The following TRMT9B variants were observed in gnomAD, a reference collection of about 807,000 sequenced individuals.
TRMT9B encodes the protein tRNA methyltransferase 9B (putative).
Under a neutral mutation model 11.5 loss-of-function variants are expected in TRMT9B, and 16 were observed. The observed-to-expected ratio is 1.39, with a 90% confidence interval of 0.94 to 2.11. TRMT9B has a LOEUF of 2.11. Ranked by LOEUF, TRMT9B falls within the 30% of genes most tolerant of loss-of-function variation. TRMT9B has a pLI of 0.00. For synonymous variants in TRMT9B, 274 were observed against 192.4 expected, an observed-to-expected ratio of 1.42 and a Z score of -3.51; for missense variants, 941 against 553.8, an observed-to-expected ratio of 1.70 and a Z score of -7.02.
intron 3 of TRMT9B, chr8:13,011,170 A>T: frequency 5.2e-6 from 2 of 385,964 alleles, no homozygotes; most frequent in Non-Finnish European, 7.1e-6. Context: ...TATTTTTAGT[A>T]GAGAGGGGTT....
In TRMT9B at chr8:13,004,052, G is replaced by A. The variant is rs1006809564; in HGVS notation, c.-1-2150G>A. ...TCGAACTCAGTGCTGCCCTGTCACA[G>A]TAGAAAGCAAAGCCATGTGGCTGAA... On this transcript the variant is annotated intron_variant, in intron 2 of 4. Transcript: ENST00000524591. Among the ~76,000 whole-genome samples, 32 of 152,038 alleles carry A rather than the reference G, an allele frequency of 2.1e-4. 1 individual carries two copies. Among genetic ancestry groups the A allele is most frequent in the African/African-American group, 5.5e-4 (23 of 41,500 alleles).
At chr8:12,971,057 A>C (rs1183727225) in intron 1 of TRMT9B, among the ~76,000 whole-genome samples, 1 of 152,220 alleles carries the variant, frequency 6.6e-6, no homozygotes, top group African/African-American at 2.4e-5. Context: ...CATGTATACA[A>C]TATGTGATGA....
intron 1 of TRMT9B, among the ~76,000 whole-genome samples, chr8:12,974,410 C>T (rs1373573765): frequency 2.6e-5 from 4 of 152,138 alleles, no homozygotes; most frequent in Admixed American, 6.6e-5. Flanking sequence ...GAATCAATTT[C>T]AGAAGTGAGA....
At chr8:12,977,064 C>T (rs2466255) in intron 1 of TRMT9B, among the ~76,000 whole-genome samples, 10,406 of 152,192 alleles carry the variant, frequency 0.068, 412 homozygotes, top group Non-Finnish European at 0.083. Context: ...CAAATAGAAG[C>T]ATGGTGGGCA....
At chr8:13,017,653 A>C (rs1026022495) in intron 4 of TRMT9B, among the ~76,000 whole-genome samples, 21 of 124,484 alleles carry the variant, frequency 1.7e-4, no homozygotes, top group African/African-American at 5.6e-4. Context: ...TTACTCTGTC[A>C]CCCAGGTTGG....
At chr8:12,995,792 C>G (rs983935996) in intron 2 of TRMT9B, among the ~76,000 whole-genome samples, 2 of 152,088 alleles carry the variant, frequency 1.3e-5, no homozygotes, top group East Asian at 1.9e-4. Context: ...GGTTCTAAGG[C>G]TTTTAAATAT....
intron 1 of TRMT9B, among the ~76,000 whole-genome samples, chr8:12,982,055 G>C (rs1458306511): frequency 6.6e-6 from 1 of 152,092 alleles, no homozygotes; most frequent in Non-Finnish European, 1.5e-5. Flanking sequence ...GTAAATAGTA[G>C]GCTTTACAAT....
At chr8:12,963,733 A>T (rs1802447778) in intron 1 of TRMT9B, among the ~76,000 whole-genome samples, 1 of 152,238 alleles carries the variant, frequency 6.6e-6, no homozygotes, top group Non-Finnish European at 1.5e-5. Flanking sequence ...TGCGCAGCAG[A>T]AGAAGACCCT....
At chr8:12,969,595 A>G (rs1803300188) in intron 1 of TRMT9B, among the ~76,000 whole-genome samples, 2 of 152,156 alleles carry the variant, frequency 1.3e-5, no homozygotes, top group South Asian at 2.1e-4. Context: ...GTAATAATGT[A>G]TCTCTTATTT....
rs1292693601 is a variant in TRMT9B, at chr8:13,023,819, CTT to C, written c.*1776_*1777del. 1.8e-5 allele frequency: 3 copies of C among 166,404 alleles called. No homozygotes were observed. The highest frequency in any genetic ancestry group is 4.4e-5 in the Non-Finnish European group (3 of 68,074). The allele number at this position is 166,404 out of a possible 1,614,324, so 10.3% of individuals were successfully genotyped here. ...AATAATGATGTTACTTTTGAACAAACTTAAAGAAATATTTTTAAAGCGTATCT... is the reference window on the plus strand; with the variant it reads ...AATAATGATGTTACTTTTGAACAAACAAAGAAATATTTTTAAAGCGTATCT... On this transcript the variant is annotated 3_prime_UTR_variant, in exon 5 of 5. Transcript: ENST00000524591.
rs1814083582 is a variant in TRMT9B at position 13,022,251 on chromosome 8, G to A, written c.*207G>A. 7 of 489,530 alleles carry A rather than the reference G, an allele frequency of 1.4e-5. No individual in the cohort carries two copies. Among genetic ancestry groups the A allele is most frequent in the Non-Finnish European group, 2.6e-5 (7 of 272,318 alleles). The allele number at this position is 489,530 out of a possible 1,614,324, so 30.3% of individuals were successfully genotyped here. A position where few individuals can be genotyped will look rare whatever the true frequency, so the allele number is the denominator to read the frequency against. ...AAAGCACTTGACAAAGGGTATTTGT[G>A]CTTAAATGTTAATATACAAGATCTG... On this transcript the variant is annotated 3_prime_UTR_variant, in exon 5 of 5. Transcript: ENST00000524591.
Position 12,959,519 on chromosome 8 carries a change from T to C in TRMT9B, c.-200+13553T>C, listed in dbSNP as rs1483291357. Reference sequence around the variant, plus strand: ...CCTCTCCTTTCCTTTTTCCTTCCTTTTTTTTTTTTTTTTTTTTTTTGACAG... The same window carrying C: ...CCTCTCCTTTCCTTTTTCCTTCCTTCTTTTTTTTTTTTTTTTTTTTGACAG... On this transcript the variant is annotated intron_variant, in intron 1 of 4. Transcript: ENST00000524591. Among the ~76,000 whole-genome samples, 506 of 112,656 alleles carry C rather than the reference T, an allele frequency of 4.5e-3. 7 individuals carry two copies. Among genetic ancestry groups the C allele is most frequent in the African/African-American group, 0.017 (456 of 26,966 alleles). The allele number at this position is 112,656 out of a possible 152,430, so 73.9% of individuals were successfully genotyped here.
At chr8:12,961,344 A>G (rs914745798) in intron 1 of TRMT9B, among the ~76,000 whole-genome samples, 3 of 152,180 alleles carry the variant, frequency 2.0e-5, no homozygotes, top group African/African-American at 7.2e-5. Context: ...TTTAATTTAA[A>G]AAAATCATAT....
chr8:12,989,890 C>T (rs564918736), intron 1 of TRMT9B, among the ~76,000 whole-genome samples: 11 of 152,330 alleles, frequency 7.2e-5, no homozygotes, highest in Non-Finnish European at 1.3e-4. Context: ...CATGTGCCTA[C>T]ATATGAGTGA....
At chr8:12,983,464 G>A (rs1031551641) in intron 1 of TRMT9B, among the ~76,000 whole-genome samples, 4 of 152,194 alleles carry the variant, frequency 2.6e-5, no homozygotes, top group Admixed American at 2.6e-4. Flanking sequence ...GAGGTCAGGA[G>A]TTTGAGACCA....
intron 1 of TRMT9B, among the ~76,000 whole-genome samples, chr8:12,959,080 C>T (rs1489307944): frequency 6.6e-6 from 1 of 152,092 alleles, no homozygotes; most frequent in Non-Finnish European, 1.5e-5. Flanking sequence ...TACCCTAGAA[C>T]TTAAAGTATA....
intron 1 of TRMT9B, among the ~76,000 whole-genome samples, chr8:12,972,373 G>C (rs1370280559): frequency 6.6e-6 from 1 of 152,188 alleles, no homozygotes; most frequent in Non-Finnish European, 1.5e-5. Context: ...CAGATCTCTT[G>C]GGAGGAGACT....
intron 2 of TRMT9B, among the ~76,000 whole-genome samples, chr8:12,997,698 A>G (rs929316388): frequency 3.3e-5 from 5 of 152,078 alleles, no homozygotes; most frequent in Non-Finnish European, 7.4e-5. Flanking sequence ...GCTTCTTTGG[A>G]TATTCTAGCA....
intron 1 of TRMT9B, among the ~76,000 whole-genome samples, chr8:12,953,206 A>G (rs1273765567): frequency 6.9e-6 from 1 of 144,940 alleles, no homozygotes; most frequent in African/African-American, 2.6e-5. Flanking sequence ...GAGCTAAAAT[A>G]TATCTATATT....
Sources: gnomAD v4.1 joint callset for allele counts (sites outside exome capture counted in the v4.1 genomes callset) on GRCh38, gnomAD v4.1.1 for gene constraint, MANE v1.5 for transcripts, NCBI Gene and HGNC (gene_info 2026-07-23, HGNC 2026-07-21) for gene names.